The following PRDM6 variants were observed in gnomAD, a reference collection of about 807,000 sequenced individuals.
The protein encoded by PRDM6 is PR/SET domain 6, also known as putative histone-lysine N-methyltransferase PRDM6.
PRDM6 carries 25 observed loss-of-function variants against 60.8 expected under a neutral mutation model. That is an observed-to-expected ratio of 0.41 (90% CI 0.30 to 0.57). The LOEUF (loss-of-function observed/expected upper bound fraction) is 0.57, where lower values mean the gene tolerates loss of function less well. PRDM6 is among the 20% of genes least tolerant of loss of function. PRDM6 has a pLI of 0.27. For missense variants in PRDM6, 839 were observed against 821.3 expected, an observed-to-expected ratio of 1.02 and a Z score of -0.26; for synonymous variants, 407 against 357.4, an observed-to-expected ratio of 1.14 and a Z score of -1.57.
chr5:123,159,723 G>C (rs548454331), intron 5 of PRDM6, 85 bp downstream of exon 5: 1 of 1,325,646 alleles, frequency 7.5e-7, no homozygotes, highest in African/African-American at 1.5e-5. Context: ...TGAAACTCAT[G>C]AAACGTGGTT....
chr5:123,113,915 G>T (rs1026119602), intron 3 of PRDM6, among the ~76,000 whole-genome samples: 1 of 152,184 alleles, frequency 6.6e-6, no homozygotes, highest in East Asian at 1.9e-4. Flanking sequence ...TCAGCATTCA[G>T]AGAAACACAT....
intron 3 of PRDM6, among the ~76,000 whole-genome samples, chr5:123,127,041 CT>C (rs1161596698): frequency 1.5e-3 from 212 of 144,046 alleles, no homozygotes; most frequent in Middle Eastern, 3.7e-3. Flanking sequence ...CAACACTTAA[CT>C]TTTTTTTTTT....
chr5:123,173,465 G>A (rs572589133), intron 6 of PRDM6: 22 of 167,084 alleles, frequency 1.3e-4, no homozygotes, highest in African/African-American at 5.1e-4. Context: ...GTGTGGAATT[G>A]CCAGCCTTTC....
chr5:123,103,812 C>G (rs1240470626), intron 3 of PRDM6, among the ~76,000 whole-genome samples: 1 of 151,978 alleles, frequency 6.6e-6, no homozygotes, highest in Non-Finnish European at 1.5e-5. Flanking sequence ...ATTACTCAGG[C>G]CTTTCAACTC....
intron 7 of PRDM6, among the ~76,000 whole-genome samples, chr5:123,186,231 TC>T (rs1766286009): frequency 6.6e-6 from 1 of 152,074 alleles, no homozygotes; most frequent in African/African-American, 2.4e-5. Context: ...AACAACAGGC[TC>T]CCACTAGATT....
At chr5:123,128,042 GT>G (rs1440236299) in intron 3 of PRDM6, among the ~76,000 whole-genome samples, 6 of 152,026 alleles carry the variant, frequency 3.9e-5, no homozygotes, top group Non-Finnish European at 2.9e-5. Context: ...CCTCGTGATA[GT>G]TTGCTGAGAA....
At chr5:123,102,124 A>G (rs914916759) in intron 3 of PRDM6, among the ~76,000 whole-genome samples, 1 of 152,208 alleles carries the variant, frequency 6.6e-6, no homozygotes, top group Non-Finnish European at 1.5e-5. Flanking sequence ...AGAATAAGGT[A>G]CATTTGGGAA....
intron 3 of PRDM6, among the ~76,000 whole-genome samples, chr5:123,141,157 ATTCTGATTG>A (rs1160799828): frequency 7.2e-5 from 11 of 151,950 alleles, no homozygotes; most frequent in Non-Finnish European, 1.6e-4. Flanking sequence ...AATATATCAA[ATTCTGATTG>A]TTTTGAGGAT....
At position 123,189,579 on chromosome 5, in the gene PRDM6, A is replaced by C. The variant is rs1766364825; in HGVS notation, c.*2378A>C. 1 of 152,170 alleles carries C rather than the reference A, an allele frequency of 6.6e-6. No homozygotes were observed. The allele number at this position is 152,170 out of a possible 1,614,324, so 9.4% of individuals were successfully genotyped here. ...GAATGTGGCAGTAACCTGTACTCCAAAACACTCTTCTAGTGTTCTGCTCCA... is the reference window on the plus strand; with the variant it reads ...GAATGTGGCAGTAACCTGTACTCCACAACACTCTTCTAGTGTTCTGCTCCA... On this transcript the variant is annotated 3_prime_UTR_variant, in exon 8 of 8. Transcript: ENST00000407847.
intron 5 of PRDM6, among the ~76,000 whole-genome samples, chr5:123,169,119 C>T (rs531501123): frequency 1.2e-4 from 18 of 152,296 alleles, no homozygotes; most frequent in African/African-American, 3.6e-4. Context: ...TTGCCAATAT[C>T]CTTTTCAAAA....
intron 2 of PRDM6, among the ~76,000 whole-genome samples, chr5:123,091,890 A>G (rs1016436009): frequency 3.3e-5 from 5 of 152,344 alleles, no homozygotes; most frequent in South Asian, 2.1e-4. Flanking sequence ...TAAAAGCAAA[A>G]TAAGTTCAGT....
intron 3 of PRDM6, among the ~76,000 whole-genome samples, chr5:123,155,378 C>T (rs1337810210): frequency 6.8e-6 from 1 of 147,786 alleles, no homozygotes; most frequent in Non-Finnish European, 1.5e-5. Context: ...AAATCAGAGT[C>T]TGTTTTGCCA....
At chr5:123,152,932 G>GA (rs1166239708) in intron 3 of PRDM6, among the ~76,000 whole-genome samples, 2 of 152,140 alleles carry the variant, frequency 1.3e-5, no homozygotes, top group Non-Finnish European at 2.9e-5. Flanking sequence ...CCAATAAATA[G>GA]AATTAGATTC....
At position 123,090,349 on chromosome 5, in the gene PRDM6, C is replaced by G. The variant is rs1181326639; in HGVS notation, c.335C>G (p.Pro112Arg). ...GCGCTGGCTGGTCTCTCGGCCCTGC[C>G]GGTGTCGCAGCTGCCGGTGTTCGCG... is the stretch of plus-strand genomic sequence containing the variant. Reference protein sequence around the residue: ...AAALAGLSALPVSQLPVFAPL... With the variant: ...AAALAGLSALRVSQLPVFAPL... Residue 112 changes from proline (P) to arginine (R), a missense_variant, in exon 2 of 8, where the codon CCG becomes CGG. Pro to Arg is a moderately radical substitution (Grantham distance 103). Coordinates refer to ENST00000407847, the MANE Select transcript of PRDM6 (RefSeq NM_001136239.4). The G allele has an allele frequency of 1.5e-5, 22 of 1,474,524 alleles. No homozygotes were observed. Among genetic ancestry groups the G allele is most frequent in the Non-Finnish European group, 1.8e-5 (20 of 1,117,476 alleles). 91.3% of individuals were successfully genotyped at this position (1,474,524 alleles called of 1,614,324 possible).
chr5:123,168,392 GA>G (rs894474996), intron 5 of PRDM6, among the ~76,000 whole-genome samples: 7 of 150,310 alleles, frequency 4.7e-5, no homozygotes, highest in East Asian at 1.9e-4. Context: ...TGTATGGTCA[GA>G]AAAAAAAAAT....
Position 123,190,627 on chromosome 5 carries a change from C to A in PRDM6, c.*3426C>A, listed in dbSNP as rs1766413474. On this transcript the variant is annotated 3_prime_UTR_variant, in exon 8 of 8. Transcript: ENST00000407847. ...GACATCATTGTGTCCTCATAGGGCT[C>A]ATAATTGAATTTTACCTTGTAAAAA... The A allele has an allele frequency of 1.3e-5, 2 of 152,088 alleles. No homozygotes were observed. The highest frequency in any genetic ancestry group is 1.5e-5 in the Non-Finnish European group (1 of 68,008). 9.4% of individuals were successfully genotyped at this position (152,088 alleles called of 1,614,324 possible).
At chr5:123,089,928 G>A in intron 1 of PRDM6, 72 bp from the exon 2 acceptor site, 4 of 1,156,020 alleles carry the variant, frequency 3.5e-6, no homozygotes, top group Admixed American at 2.3e-5. Flanking sequence ...TTTCTCCAGG[G>A]TCCCAGTGGC....
In PRDM6 at chr5:123,187,090, C is replaced by T. The variant is rs369490038; in HGVS notation, c.1677C>T (p.Cys559=). Residue 559 remains cysteine (C), a synonymous_variant, in exon 8 of 8, where the codon TGC becomes TGT. Coordinates refer to ENST00000407847, the MANE Select transcript of PRDM6 (RefSeq NM_001136239.4). ...TTTTCTCTCTTGCCTCCACCAGGTGCGAGAGGTGTGAGAGGAGCTTCACGC... is the reference window on the plus strand; with the variant it reads ...TTTTCTCTCTTGCCTCCACCAGGTGTGAGAGGTGTGAGAGGAGCTTCACGC... ...RTHTGEKPFK[C]ERCERSFTQA... 9 of 1,550,686 alleles carry T rather than the reference C, an allele frequency of 5.8e-6. No individual in the cohort carries two copies. The highest frequency in any genetic ancestry group is 2.4e-5 in the East Asian group (1 of 40,900).
At chr5:123,158,530 A>G (rs995026979) in intron 4 of PRDM6, among the ~76,000 whole-genome samples, 1 of 152,220 alleles carries the variant, frequency 6.6e-6, no homozygotes, top group African/African-American at 2.4e-5. Flanking sequence ...CTGCAAGTAC[A>G]ATATTGAGAA....
Sources: gnomAD v4.1 joint callset for allele counts (sites outside exome capture counted in the v4.1 genomes callset) on GRCh38, gnomAD v4.1.1 for gene constraint, MANE v1.5 for transcripts, NCBI Gene and HGNC (gene_info 2026-07-23, HGNC 2026-07-21) for gene names.